Variants in CNTN1 observed in about 807,000 individuals in gnomAD.
CNTN1 encodes the protein contactin 1, also known as contactin-1.
Under a neutral mutation model 126.4 loss-of-function variants are expected in CNTN1, and 38 were observed. That is an observed-to-expected ratio of 0.30 (90% CI 0.23 to 0.39). The LOEUF (loss-of-function observed/expected upper bound fraction) is 0.39. CNTN1 is among the 10% of genes least tolerant of loss of function. The probability of loss-of-function intolerance (pLI) is 1.00; values close to 1 mark genes in which losing one functional copy is unlikely to be tolerated. For synonymous variants in CNTN1, 413 were observed against 422.6 expected, an observed-to-expected ratio of 0.98 and a Z score of 0.28; for missense variants, 1,009 against 1,248.4, an observed-to-expected ratio of 0.81 and a Z score of 2.89.
At chr12:40,876,141 C>CA (rs76745017) in intron 1 of CNTN1, among the ~76,000 whole-genome samples, 71,452 of 142,568 alleles carry the variant, frequency 0.5, 17,397 homozygotes, top group Middle Eastern at 0.58. Flanking sequence ...TAGTAAAAGC[C>CA]AAAAAAAAAA....
At chr12:40,786,537 G>T (rs752277690) in intron 1 of CNTN1, among the ~76,000 whole-genome samples, 1 of 152,186 alleles carries the variant, frequency 6.6e-6, no homozygotes, top group Non-Finnish European at 1.5e-5. Context: ...TAAGGTAGAA[G>T]ATGTTTACAA....
At position 40,934,064 on chromosome 12, in the gene CNTN1, C is replaced by T. The variant is rs144037433; in HGVS notation, c.985+186C>T. Among the ~76,000 whole-genome samples the T allele has an allele frequency of 1.3e-4, 20 of 152,050 alleles. 1 individual carries two copies. Among genetic ancestry groups the T allele is most frequent in the African/African-American group, 3.6e-4 (15 of 41,488 alleles). On this transcript the variant is annotated intron_variant, in intron 9 of 23. Transcript: ENST00000551295. The stretch of plus-strand genomic sequence containing the variant: ...TCACAACTATGAGTTATAGAAGTTA[C>T]GAACTTATTACCAGTTGAACCATAG...
At chr12:40,728,840 TC>T (rs1470185875) in intron 1 of CNTN1, 1 of 151,950 alleles carries the variant, frequency 6.6e-6, no homozygotes, top group Non-Finnish European at 1.5e-5. Flanking sequence ...GTGGCTGGAG[TC>T]CCCAGGTCAA....
chr12:40,736,598 G>A (rs1738451367), intron 1 of CNTN1, among the ~76,000 whole-genome samples: 1 of 152,038 alleles, frequency 6.6e-6, no homozygotes, highest in Non-Finnish European at 1.5e-5. Context: ...TATATATGAA[G>A]ACCTATGGTA....
chr12:40,866,521 G>C (rs1943304812), intron 1 of CNTN1, among the ~76,000 whole-genome samples: 1 of 152,036 alleles, frequency 6.6e-6, no homozygotes, highest in Admixed American at 6.6e-5. Flanking sequence ...ATTATAAAAA[G>C]TGTTGGAGTT....
Position 40,918,649 on chromosome 12 carries a change from A to G in CNTN1, c.105A>G (p.Glu35=), listed in dbSNP as rs760015446. 1 of 1,612,914 alleles carries G rather than the reference A, an allele frequency of 6.2e-7. No individual in the cohort carries two copies. The change falls in exon 4 of 24, where the codon GAA becomes GAG. Residue 35 remains glutamate (E), a synonymous_variant. Coordinates refer to ENST00000551295, the MANE Select transcript of CNTN1 (RefSeq NM_001843.4). ...TCATATTTCTTGTAGTTTCTGAGGA[A>G]GACAAAGGATTTGGACCAATTTTTG... ...YRRYGHGVSE[E]DKGFGPIFEE...
chr12:40,833,078 T>C (rs933552837), intron 1 of CNTN1, among the ~76,000 whole-genome samples: 2 of 151,842 alleles, frequency 1.3e-5, no homozygotes, highest in African/African-American at 2.4e-5. Flanking sequence ...TTTTTTGAGA[T>C]GGAGTTTCAT....
chr12:40,774,381 C>T (rs1939492806), intron 1 of CNTN1, among the ~76,000 whole-genome samples: 1 of 151,600 alleles, frequency 6.6e-6, no homozygotes, highest in Non-Finnish European at 1.5e-5. Flanking sequence ...ATTTCAAAGA[C>T]TGGATTCATC....
At chr12:40,860,053 A>T (rs77159716) in intron 1 of CNTN1, among the ~76,000 whole-genome samples, 193 of 152,184 alleles carry the variant, frequency 1.3e-3, no homozygotes, top group African/African-American at 3.9e-3. Context: ...CCTGTTACAA[A>T]CCCTATAAGA....
rs560146838 is a variant in CNTN1, at chr12:41,053,877, A to C, written c.2981-16082A>C. Among the ~76,000 whole-genome samples, 522 of 151,870 alleles carry C rather than the reference A, an allele frequency of 3.4e-3. 1 individual carries two copies. The highest frequency in any genetic ancestry group is 0.012 in the African/African-American group (486 of 41,530). On this transcript the variant is annotated intron_variant, in intron 23 of 23. Transcript: ENST00000551295. Reference sequence around the variant, plus strand: ...AATAAATACAGTGTACCACTAAGGCAAAAGTCCCCAAAACTCTATTGTCTT... The same window carrying C: ...AATAAATACAGTGTACCACTAAGGCCAAAGTCCCCAAAACTCTATTGTCTT...
chr12:40,700,453 G>T (rs1247170088), intron 1 of CNTN1, among the ~76,000 whole-genome samples: 1 of 151,994 alleles, frequency 6.6e-6, no homozygotes, highest in Non-Finnish European at 1.5e-5. Flanking sequence ...TTGAACCCGG[G>T]AGGCAGAGGT....
chr12:40,826,715 G>T (rs1941624603), intron 1 of CNTN1, among the ~76,000 whole-genome samples: 2 of 152,154 alleles, frequency 1.3e-5, no homozygotes, highest in Non-Finnish European at 2.9e-5. Flanking sequence ...ACACCACCAA[G>T]GGTGAACACC....
At chr12:40,971,288 C>T (rs1411313994) in intron 15 of CNTN1, 2 of 644,206 alleles carry the variant, frequency 3.1e-6, no homozygotes, top group Admixed American at 6.4e-5. Context: ...GCCCCCCGTC[C>T]TCAGTGTGTA....
chr12:41,061,103 G>A (rs1328896461), intron 23 of CNTN1, among the ~76,000 whole-genome samples: 2 of 152,172 alleles, frequency 1.3e-5, no homozygotes, highest in African/African-American at 2.4e-5. Flanking sequence ...CAAGTCTCAT[G>A]CTTTTGTGTA....
intron 1 of CNTN1, among the ~76,000 whole-genome samples, chr12:40,905,971 T>G (rs1321882158): frequency 6.6e-6 from 1 of 152,154 alleles, no homozygotes; most frequent in East Asian, 1.9e-4. Context: ...TAATTGATTT[T>G]CCTGTCCTCT....
chr12:40,854,926 C>T (rs12317506), intron 1 of CNTN1, among the ~76,000 whole-genome samples: 25,209 of 151,934 alleles, frequency 0.17, 3,348 homozygotes, highest in African/African-American at 0.37. Context: ...GTTCAGTACT[C>T]GGAGGGTGCT....
At chr12:41,069,642 A>T (rs1488337550) in intron 23 of CNTN1, among the ~76,000 whole-genome samples, 1 of 147,334 alleles carries the variant, frequency 6.8e-6, no homozygotes, top group Non-Finnish European at 1.5e-5. Flanking sequence ...TAATGCATGT[A>T]TATATGTTTC....
chr12:40,833,688 T>A (rs568352707), intron 1 of CNTN1, among the ~76,000 whole-genome samples: 1 of 152,272 alleles, frequency 6.6e-6, no homozygotes, highest in African/African-American at 2.4e-5. Flanking sequence ...TTGTGGTTGA[T>A]AAAGGGAGGG....
chr12:40,790,737 A>G (rs1940189447), intron 1 of CNTN1, among the ~76,000 whole-genome samples: 1 of 152,090 alleles, frequency 6.6e-6, no homozygotes, highest in Non-Finnish European at 1.5e-5. Context: ...CCAACACAAG[A>G]AAGGCTGCGA....
Sources: allele counts gnomAD v4.1 joint callset (sites outside exome capture counted in the v4.1 genomes callset), GRCh38; gene constraint gnomAD v4.1.1; transcripts MANE v1.5; gene names NCBI Gene and HGNC (gene_info 2026-07-23, HGNC 2026-07-21).